Variants in CACNA1B observed in about 807,000 individuals in gnomAD.
The protein encoded by CACNA1B is voltage-dependent N-type calcium channel subunit alpha-1B.
CACNA1B carries 70 observed loss-of-function variants against 247.2 expected under a neutral mutation model. The ratio of observed to expected loss-of-function variants is 0.28; its 90% CI spans 0.23 to 0.35. The LOEUF (loss-of-function observed/expected upper bound fraction) is 0.35. CACNA1B is among the 10% of genes least tolerant of loss of function. The pLI is 1.00. For missense variants in CACNA1B, 2,367 were observed against 3,197.4 expected, an observed-to-expected ratio of 0.74 and a Z score of 6.26; for synonymous variants, 1,231 against 1,294.4, an observed-to-expected ratio of 0.95 and a Z score of 1.05.
intron 37 of CACNA1B, chr9:138,101,192 G>A (rs1413973297): frequency 3.8e-6 from 2 of 529,888 alleles, no homozygotes; most frequent in South Asian, 2.8e-5. Flanking sequence ...TCGTAGGTTG[G>A]CCTACAAGGT....
chr9:138,094,057 T>C (rs1232570443), intron 36 of CACNA1B, among the ~76,000 whole-genome samples: 3 of 152,228 alleles, frequency 2.0e-5, no homozygotes, highest in Non-Finnish European at 2.9e-5. Context: ...AAACAATGTA[T>C]GAACATTCAA....
At chr9:138,040,263 A>T (rs958006454) in intron 20 of CACNA1B, among the ~76,000 whole-genome samples, 2 of 152,022 alleles carry the variant, frequency 1.3e-5, no homozygotes, top group Admixed American at 6.5e-5. Flanking sequence ...TATGTATCTC[A>T]TCTAAGAATT....
At chr9:137,892,984 G>T (rs547162011) in intron 3 of CACNA1B, among the ~76,000 whole-genome samples, 169 of 152,344 alleles carry the variant, frequency 1.1e-3, no homozygotes, top group African/African-American at 3.9e-3. Context: ...GGACACACGG[G>T]AGGGGGGCCG....
At chr9:137,886,860 T>C (rs1408146564) in intron 3 of CACNA1B, among the ~76,000 whole-genome samples, 3 of 152,170 alleles carry the variant, frequency 2.0e-5, no homozygotes, top group Non-Finnish European at 2.9e-5. Flanking sequence ...GGTGCAGGCC[T>C]GGAGGTGCCA....
chr9:137,934,175 T>C (rs907566723), intron 6 of CACNA1B, among the ~76,000 whole-genome samples: 1 of 152,234 alleles, frequency 6.6e-6, no homozygotes, highest in African/African-American at 2.4e-5. Flanking sequence ...ACTTCACTGT[T>C]CCCACAGGTT....
In CACNA1B at chr9:138,007,020, G is replaced by A. The variant is rs138872166; in HGVS notation, c.2092+136G>A. 6,657 of 626,674 alleles carry A rather than the reference G, an allele frequency of 0.011. 61 individuals are homozygous for A. The highest frequency in any genetic ancestry group is 0.042 in the Middle Eastern group (165 of 3,940). 38.8% of individuals were successfully genotyped at this position (626,674 alleles called of 1,614,324 possible). A position where few individuals can be genotyped will look rare whatever the true frequency, so the allele number is the denominator to read the frequency against. ...TGCATTCTCAGAGCTGAGTGCAGAT[G>A]GAGAACATTCTGCAGGTGGCCGGAG... is the stretch of plus-strand genomic sequence containing the variant. On this transcript the variant is annotated intron_variant, in intron 16 of 46. Transcript: ENST00000371372. This position sits in a 1 kb window ranked among gnomAD's most constrained non-coding sequence, Gnocchi z 4.1.
In CACNA1B at chr9:138,057,675, T is replaced by G; in HGVS notation, c.3969-57T>G. The stretch of plus-strand genomic sequence containing the variant: ...GAATGGTTTCAACACTCTTGATAGG[T>G]GGGTTTATTTGGATCTTTTGTCTTT... On this transcript the variant is annotated intron_variant, in intron 26 of 46. Coordinates refer to ENST00000371372, the MANE Select transcript of CACNA1B (RefSeq NM_000718.4). This position sits in a 1 kb window ranked among gnomAD's most constrained non-coding sequence, Gnocchi z 4.0. The G allele has an allele frequency of 6.5e-7, 1 of 1,536,758 alleles. No homozygotes were observed. The highest frequency in any genetic ancestry group is 8.9e-7 in the Non-Finnish European group (1 of 1,124,412).
intron 8 of CACNA1B, 83 bp from the exon 9 acceptor site, chr9:137,956,688 C>A (rs1320469442): frequency 8.9e-7 from 1 of 1,123,524 alleles, no homozygotes; most frequent in Non-Finnish European, 1.3e-6. Context: ...GAAGGCAGGG[C>A]CTTCCAGACA....
At chr9:138,103,267 C>A (rs1434359246) in intron 38 of CACNA1B, among the ~76,000 whole-genome samples, 1 of 152,166 alleles carries the variant, frequency 6.6e-6, no homozygotes, top group Non-Finnish European at 1.5e-5. Flanking sequence ...GCCTGCAGGG[C>A]CTCTGGTGCT....
chr9:138,111,097 A>C (rs1239878297), intron 39 of CACNA1B, among the ~76,000 whole-genome samples: 1 of 152,188 alleles, frequency 6.6e-6, no homozygotes, highest in Non-Finnish European at 1.5e-5. Flanking sequence ...ACATGTTCCC[A>C]GTCGGAAAAG....
intron 10 of CACNA1B, among the ~76,000 whole-genome samples, chr9:137,965,021 G>A (rs1031688506): frequency 2.6e-5 from 4 of 152,150 alleles, no homozygotes; most frequent in African/African-American, 9.7e-5. Context: ...TGGTGGTATC[G>A]CCAGTGAAGG....
At chr9:138,002,764 A>G (rs145667623) in intron 15 of CACNA1B, among the ~76,000 whole-genome samples, 1 of 151,764 alleles carries the variant, frequency 6.6e-6, no homozygotes, top group East Asian at 1.9e-4. Context: ...GGATGGAGAG[A>G]AATTTCTTCT....
At chr9:137,906,502 T>C (rs1484572765) in intron 3 of CACNA1B, among the ~76,000 whole-genome samples, 1 of 152,222 alleles carries the variant, frequency 6.6e-6, no homozygotes, top group African/African-American at 2.4e-5. Context: ...ACATACGTGT[T>C]CCCCTGCATG....
At chr9:138,087,614 C>T (rs1170208114) in intron 36 of CACNA1B, among the ~76,000 whole-genome samples, 3 of 139,112 alleles carry the variant, frequency 2.2e-5, no homozygotes, top group Non-Finnish European at 4.6e-5. Flanking sequence ...ACTTGGGAGG[C>T]GGAGGCAGGA....
At position 137,921,927 on chromosome 9, in the gene CACNA1B, G is replaced by GGAGCAGAGTAAAGCGTTCGGAGAACATGA. The variant is rs1564890634; in HGVS notation, c.966+4496_966+4497insGAGCAGAGTAAAGCGTTCGGAGAACATGA. ...CAGAGTAAAGCGTTCGGAGAACATG[G>GGAGCAGAGTAAAGCGTTCGGAGAACATGA]TCAGCACCACGACCGCACAGCATCC... On this transcript the variant is annotated intron_variant, in intron 6 of 46. Coordinates refer to ENST00000371372, the MANE Select transcript of CACNA1B (RefSeq NM_000718.4). Among the ~76,000 whole-genome samples the GGAGCAGAGTAAAGCGTTCGGAGAACATGA allele has an allele frequency of 4.4e-5, 3 of 68,730 alleles. 1 individual carries two copies. The highest frequency in any genetic ancestry group is 6.2e-4 in the South Asian group (1 of 1,620). The allele number at this position is 68,730 out of a possible 152,430, so 45.1% of individuals were successfully genotyped here.
intron 3 of CACNA1B, among the ~76,000 whole-genome samples, chr9:137,911,215 G>A (rs1324897867): frequency 6.7e-6 from 1 of 149,302 alleles, no homozygotes; most frequent in Non-Finnish European, 1.5e-5. Context: ...GATCTAGCTA[G>A]TTTTAAATTT....
chr9:137,884,620 C>T (rs1956977349), intron 3 of CACNA1B, among the ~76,000 whole-genome samples: 1 of 149,858 alleles, frequency 6.7e-6, no homozygotes, highest in Non-Finnish European at 1.5e-5. Context: ...TTGGAGTGGG[C>T]ACCCAGGAGG....
chr9:138,120,502 C>A, intron 45 of CACNA1B, 129 bp from the exon 46 acceptor site: 2 of 1,373,142 alleles, frequency 1.5e-6, no homozygotes, highest in Non-Finnish European at 1.9e-6. Context: ...CAGGGTGGGA[C>A]TGAGGCCCAG....
At chr9:137,978,384 G>A (rs1278952657) in intron 12 of CACNA1B, among the ~76,000 whole-genome samples, 1 of 144,788 alleles carries the variant, frequency 6.9e-6, no homozygotes, top group African/African-American at 2.6e-5. Flanking sequence ...GGAGTGAAGG[G>A]TGGGAGTACT....
Sources: gnomAD v4.1 joint callset for allele counts (sites outside exome capture counted in the v4.1 genomes callset) on GRCh38, gnomAD v4.1.1 for gene constraint, Gnocchi (gnomAD v3.1) non-coding constraint, MANE v1.5 for transcripts, NCBI Gene and HGNC (gene_info 2026-07-23, HGNC 2026-07-21) for gene names.